EHBP1: variants seen among roughly 807,000 people sequenced by gnomAD.
EHBP1 encodes the protein EH domain binding protein 1.
In EHBP1, 55 loss-of-function variants were observed where a neutral mutation model predicts 144.0. The ratio of observed to expected loss-of-function variants is 0.38; its 90% confidence interval spans 0.31 to 0.48. The LOEUF (loss-of-function observed/expected upper bound fraction) is 0.48, where lower values mean the gene tolerates loss of function less well. Ranked by LOEUF, EHBP1 falls within the 20% of genes least tolerant of loss-of-function variation. The probability of loss-of-function intolerance (pLI) is 0.98; values close to 1 mark genes in which losing one functional copy is unlikely to be tolerated. For missense variants in EHBP1, 1,200 were observed against 1,364.2 expected, an observed-to-expected ratio of 0.88 and a Z score of 1.90; for synonymous variants, 469 against 472.7, an observed-to-expected ratio of 0.99 and a Z score of 0.10.
chr2:62,918,311 C>T (rs769043008), intron 10 of EHBP1, among the ~76,000 whole-genome samples: 15 of 152,092 alleles, frequency 9.9e-5, no homozygotes, highest in Admixed American at 5.9e-4. Context: ...AATTGTAGTA[C>T]GGGCTGCTGG....
chr2:63,007,613 C>A (rs1188480211), intron 19 of EHBP1, among the ~76,000 whole-genome samples: 1 of 151,670 alleles, frequency 6.6e-6, no homozygotes, highest in Non-Finnish European at 1.5e-5. Flanking sequence ...AGTATAAATA[C>A]CAGCTGAAAC....
At chr2:62,882,839 G>T (rs1384255730) in intron 10 of EHBP1, among the ~76,000 whole-genome samples, 1 of 151,214 alleles carries the variant, frequency 6.6e-6, no homozygotes, top group East Asian at 1.9e-4. Context: ...CCGAGATGGC[G>T]CCATTGCACT....
intron 14 of EHBP1, among the ~76,000 whole-genome samples, chr2:62,977,034 A>G (rs1347498306): frequency 6.6e-6 from 1 of 151,578 alleles, no homozygotes; most frequent in Non-Finnish European, 1.5e-5. Context: ...TTAGTTTTGT[A>G]TCTCACTACA....
In EHBP1 at chr2:62,868,793, A is replaced by AT. The variant is rs1242532284; in HGVS notation, c.998+3831dup. On this transcript the variant is annotated intron_variant, in intron 9 of 22. Transcript: ENST00000431489. ...CAAGAGTCTATCTCTTAAAAAAAAA[A>AT]TTTTTTTTTAATTAGCTGGGTGTGA... 2.6e-4 allele frequency among the ~76,000 whole-genome samples: 40 copies of AT among 151,354 alleles called. No homozygotes were observed. The South Asian group carries it at 4.2e-3, about 16-fold the overall frequency.
At chr2:63,000,102 A>G (rs894949381) in intron 19 of EHBP1, among the ~76,000 whole-genome samples, 2 of 152,198 alleles carry the variant, frequency 1.3e-5, no homozygotes, top group Non-Finnish European at 1.5e-5. Context: ...GGGGGGAGGC[A>G]GGATGGGTGG....
chr2:62,715,301 G>A (rs2035558140), intron 2 of EHBP1, among the ~76,000 whole-genome samples: 1 of 151,592 alleles, frequency 6.6e-6, no homozygotes, highest in Non-Finnish European at 1.5e-5. Flanking sequence ...TTTTTAACAG[G>A]GATGGGGTTT....
At chr2:62,935,197 C>T (rs1221855270) in intron 10 of EHBP1, among the ~76,000 whole-genome samples, 1 of 151,500 alleles carries the variant, frequency 6.6e-6, no homozygotes, top group African/African-American at 2.4e-5. Context: ...CGTGTGGTGG[C>T]GTGCACCTAT....
At chr2:62,924,595 T>G (rs1019688113) in intron 10 of EHBP1, among the ~76,000 whole-genome samples, 4 of 152,120 alleles carry the variant, frequency 2.6e-5, no homozygotes, top group African/African-American at 9.7e-5. Context: ...ACAATAAATT[T>G]GAAAACCTAG....
chr2:63,007,869 TA>T (rs1297633929), intron 19 of EHBP1, among the ~76,000 whole-genome samples: 3 of 151,784 alleles, frequency 2.0e-5, no homozygotes, highest in South Asian at 4.1e-4. Context: ...ATAGCTACAT[TA>T]AAAAATACAT....
chr2:62,791,377 G>A (rs911047476), intron 5 of EHBP1, among the ~76,000 whole-genome samples: 16 of 152,116 alleles, frequency 1.1e-4, no homozygotes, highest in African/African-American at 3.8e-4. Flanking sequence ...AAAACAGCCA[G>A]CAGCCATATC....
At chr2:62,847,833 A>C (rs560108550) in intron 7 of EHBP1, among the ~76,000 whole-genome samples, 3 of 152,342 alleles carry the variant, frequency 2.0e-5, no homozygotes, top group African/African-American at 7.2e-5. Flanking sequence ...TTTTTTTAAA[A>C]TGGACAAAGA....
At chr2:62,975,957 T>C (rs957892336) in intron 14 of EHBP1, among the ~76,000 whole-genome samples, 2 of 151,690 alleles carry the variant, frequency 1.3e-5, no homozygotes, top group Non-Finnish European at 2.9e-5. Flanking sequence ...AGCTTTCTGT[T>C]ATTGACTGAG....
At chr2:62,750,167 G>T (rs774627348) in intron 3 of EHBP1, among the ~76,000 whole-genome samples, 40 of 152,116 alleles carry the variant, frequency 2.6e-4, no homozygotes, top group Non-Finnish European at 5.4e-4. Context: ...TATATAAGGT[G>T]TAAGGAAGGG....
At chr2:62,901,990 A>G (rs545638172) in intron 10 of EHBP1, among the ~76,000 whole-genome samples, 1 of 152,176 alleles carries the variant, frequency 6.6e-6, no homozygotes, top group East Asian at 1.9e-4. Context: ...AAATTCAGCA[A>G]TGTACTACCA....
chr2:62,830,565 G>C lies in EHBP1; in HGVS notation c.495-454G>C, dbSNP rs555849267. 6.6e-5 allele frequency among the ~76,000 whole-genome samples: 10 copies of C among 152,276 alleles called. 1 individual carries two copies. The highest frequency in any genetic ancestry group is 2.4e-4 in the African/African-American group (10 of 41,558). ...GTATTAGTCCTTTGTTGGATGCATA[G>C]TTTGTGAATATTTTCTCCCACTCTG... On this transcript the variant is annotated intron_variant, in intron 6 of 22. Transcript: ENST00000431489.
chr2:63,028,270 A>T (rs1337786733), intron 19 of EHBP1, among the ~76,000 whole-genome samples: 2 of 152,166 alleles, frequency 1.3e-5, no homozygotes, highest in Non-Finnish European at 2.9e-5. Flanking sequence ...CATAGGAAGG[A>T]TATATCACAG....
At chr2:62,897,634 A>G (rs2053048469) in intron 10 of EHBP1, among the ~76,000 whole-genome samples, 1 of 152,128 alleles carries the variant, frequency 6.6e-6, no homozygotes, top group Admixed American at 6.5e-5. Flanking sequence ...CCTACTCAGC[A>G]TTTCTCCTGG....
chr2:62,921,834 T>C (rs1248277399), intron 10 of EHBP1, among the ~76,000 whole-genome samples: 3 of 152,234 alleles, frequency 2.0e-5, no homozygotes, highest in African/African-American at 7.2e-5. Context: ...GTATGTTTTA[T>C]GTATGTATAC....
Position 62,912,303 on chromosome 2 carries a change from G to T in EHBP1, c.1186-30415G>T, listed in dbSNP as rs529858508. On this transcript the variant is annotated intron_variant, in intron 10 of 22. Transcript: ENST00000431489. ...CTTGTGGCTCACACCTGTAATCCCA[G>T]CACTTTGGAAGGCTGAGGCGGGCAG... Among the ~76,000 whole-genome samples, 5 of 152,258 alleles carry T rather than the reference G, an allele frequency of 3.3e-5. No individual in the cohort carries two copies. In the East Asian group the frequency reaches 5.8e-4, roughly 18 times the overall value.
Sources: gnomAD v4.1 joint callset for allele counts (sites outside exome capture counted in the v4.1 genomes callset) on GRCh38, gnomAD v4.1.1 for gene constraint, MANE v1.5 for transcripts, NCBI Gene and HGNC (gene_info 2026-07-23, HGNC 2026-07-21) for gene names.